Variants in SLC24A2 observed in about 807,000 individuals in gnomAD.
The protein encoded by SLC24A2 is solute carrier family 24 member 2, also known as sodium/potassium/calcium exchanger 2.
SLC24A2 carries 36 observed loss-of-function variants against 62.0 expected under a neutral mutation model. The ratio of observed to expected loss-of-function variants is 0.58; its 90% CI spans 0.44 to 0.77. The LOEUF (loss-of-function observed/expected upper bound fraction) is 0.77. Among genes scored for constraint, SLC24A2 ranks in the 30% least tolerant of loss-of-function variants. The probability of loss-of-function intolerance (pLI) is 0.00; values close to 1 mark genes in which losing one functional copy is unlikely to be tolerated. For synonymous variants in SLC24A2, 358 were observed against 294.0 expected, an observed-to-expected ratio of 1.22 and a Z score of -2.23; for missense variants, 846 against 817.9, an observed-to-expected ratio of 1.03 and a Z score of -0.42.
chr9:20,307,557 A>G, the SLC24A2 span, among the ~76,000 whole-genome samples: 2 of 152,214 alleles, frequency 1.3e-5, no homozygotes, highest in African/African-American at 4.8e-5. Flanking sequence ...GCATTGTGAG[A>G]AACTCCTAAA....
the SLC24A2 span, among the ~76,000 whole-genome samples, chr9:19,977,954 T>A: frequency 3.3e-5 from 5 of 152,142 alleles, no homozygotes; most frequent in Non-Finnish European, 1.5e-5. Flanking sequence ...GGTGGACAGA[T>A]AAGTGATGGC....
At chr9:19,854,411 G>C in the SLC24A2 span, among the ~76,000 whole-genome samples, 1 of 151,946 alleles carries the variant, frequency 6.6e-6, no homozygotes, top group South Asian at 2.1e-4. Flanking sequence ...GATCTTTCTG[G>C]CTTTTTTTAC....
chr9:19,666,442 C>A (rs1047939043), intron 2 of SLC24A2, among the ~76,000 whole-genome samples: 1 of 152,084 alleles, frequency 6.6e-6, no homozygotes, highest in Non-Finnish European at 1.5e-5. Flanking sequence ...TAGAGAGGAT[C>A]TTGTTTTTAT....
At chr9:19,661,298 G>A (rs1431732589) in intron 2 of SLC24A2, among the ~76,000 whole-genome samples, 1 of 150,430 alleles carries the variant, frequency 6.6e-6, no homozygotes, top group African/African-American at 2.5e-5. Context: ...TTATTTAACC[G>A]ACACCTCTAA....
At chr9:20,141,061 T>C in the SLC24A2 span, among the ~76,000 whole-genome samples, 3 of 152,160 alleles carry the variant, frequency 2.0e-5, no homozygotes, top group Non-Finnish European at 2.9e-5. Context: ...TTTATGGCTT[T>C]GGGAGCAGCA....
chr9:20,228,724 G>A, the SLC24A2 span, among the ~76,000 whole-genome samples: 1 of 152,170 alleles, frequency 6.6e-6, no homozygotes, highest in East Asian at 1.9e-4. Context: ...AACCAGTGTG[G>A]CACCCAGTAT....
At chr9:19,543,640 C>T (rs936302631) in intron 8 of SLC24A2, among the ~76,000 whole-genome samples, 1 of 152,142 alleles carries the variant, frequency 6.6e-6, no homozygotes, top group Non-Finnish European at 1.5e-5. Flanking sequence ...TGTTAGTTCT[C>T]ATTGGTTTCA....
intron 9 of SLC24A2, among the ~76,000 whole-genome samples, chr9:19,525,457 G>A (rs910385728): frequency 7.9e-5 from 11 of 139,606 alleles, no homozygotes; most frequent in African/African-American, 2.2e-4. Flanking sequence ...ATGCTGGAGT[G>A]CAGTGGTGTG....
At chr9:20,002,489 C>G in the SLC24A2 span, among the ~76,000 whole-genome samples, 1 of 151,560 alleles carries the variant, frequency 6.6e-6, no homozygotes, top group Non-Finnish European at 1.5e-5. Flanking sequence ...AGTGTCACTG[C>G]ACTTACTGTT....
the SLC24A2 span, among the ~76,000 whole-genome samples, chr9:20,047,121 G>A: frequency 9.9e-5 from 15 of 152,254 alleles, no homozygotes; most frequent in African/African-American, 3.6e-4. Context: ...CATCTGTCCA[G>A]CCTGAGGTTA....
intron 5 of SLC24A2, among the ~76,000 whole-genome samples, chr9:19,585,535 G>A (rs1295614081): frequency 6.6e-6 from 1 of 152,206 alleles, no homozygotes; most frequent in Non-Finnish European, 1.5e-5. Flanking sequence ...TGAGAACTAT[G>A]TGTGCTTATG....
intron 2 of SLC24A2, among the ~76,000 whole-genome samples, chr9:19,750,328 T>C (rs949993450): frequency 2.6e-5 from 4 of 152,016 alleles, no homozygotes; most frequent in Non-Finnish European, 5.9e-5. Context: ...AAACTCAACA[T>C]GCTCAACACT....
the SLC24A2 span, among the ~76,000 whole-genome samples, chr9:20,108,733 G>A: frequency 6.6e-6 from 1 of 151,744 alleles, no homozygotes; most frequent in East Asian, 1.9e-4. Context: ...AGCATTAGGA[G>A]ATATACCTAA....
rs181211365 is a variant in SLC24A2 at position 19,701,748 on chromosome 9, G to A, written c.931-79449C>T. 1.1e-3 allele frequency among the ~76,000 whole-genome samples: 170 copies of A among 152,170 alleles called. 1 individual carries two copies. Among genetic ancestry groups the A allele is most frequent in the African/African-American group, 3.8e-3 (158 of 41,524 alleles). ...TCCTCTTCTCTTTATAATCAAAACC[G>A]AGACAGGAGAATGTGCTGGTGAAAA... On this transcript the variant is annotated intron_variant, in intron 2 of 10. Coordinates refer to ENST00000341998, the MANE Select transcript of SLC24A2 (RefSeq NM_020344.4).
At chr9:20,252,896 A>G in the SLC24A2 span, among the ~76,000 whole-genome samples, 39 of 152,324 alleles carry the variant, frequency 2.6e-4, no homozygotes, top group South Asian at 2.1e-4. Flanking sequence ...GTGCTTCCTT[A>G]TGAGCTCCTG....
chr9:20,111,535 C>A, the SLC24A2 span, among the ~76,000 whole-genome samples: 1 of 152,112 alleles, frequency 6.6e-6, no homozygotes, highest in Non-Finnish European at 1.5e-5. Context: ...TCTACCAGGG[C>A]CCTAACTGAT....
At chr9:19,669,129 A>C (rs1819341832) in intron 2 of SLC24A2, among the ~76,000 whole-genome samples, 1 of 152,190 alleles carries the variant, frequency 6.6e-6, no homozygotes, top group Non-Finnish European at 1.5e-5. Flanking sequence ...AGAGAATAAG[A>C]GGGAAAAGCA....
the SLC24A2 span, among the ~76,000 whole-genome samples, chr9:20,152,850 G>C: frequency 6.6e-6 from 1 of 151,832 alleles, no homozygotes; most frequent in Non-Finnish European, 1.5e-5. Flanking sequence ...GATGGCATCT[G>C]AGAATGGGCA....
chr9:19,881,563 A>G, the SLC24A2 span, among the ~76,000 whole-genome samples: 1 of 152,178 alleles, frequency 6.6e-6, no homozygotes, highest in South Asian at 2.1e-4. Context: ...AACCCCCACT[A>G]TGACAGCGCC....
Sources: allele counts gnomAD v4.1 joint callset (sites outside exome capture counted in the v4.1 genomes callset), GRCh38; gene constraint gnomAD v4.1.1; transcripts MANE v1.5; gene names NCBI Gene and HGNC (gene_info 2026-07-23, HGNC 2026-07-21).